The following PUM1 variants were observed in gnomAD, a reference collection of about 807,000 sequenced individuals.
The protein encoded by PUM1 is pumilio homolog 1.
In PUM1, 13 loss-of-function variants were observed where a neutral mutation model predicts 131.8. The ratio of observed to expected loss-of-function variants is 0.10; its 90% CI spans 0.06 to 0.16. PUM1 has a LOEUF of 0.16. PUM1 is among the 10% of genes least tolerant of loss of function. The pLI is 1.00. For missense variants in PUM1, 961 were observed against 1,512.4 expected (o/e 0.64, Z 6.05); for synonymous variants, 509 against 556.5 (o/e 0.91, Z 1.20).
At chr1:30,968,310 C>A (rs1434287145) in intron 11 of PUM1, 44 bp downstream of exon 11, 2 of 1,589,278 alleles carry the variant, frequency 1.3e-6, no homozygotes, top group Middle Eastern at 1.7e-4. Flanking sequence ...AAACGTGCAG[C>A]CTTTTTCCCT....
At chr1:30,935,607 C>T in intron 21 of PUM1, 1 of 458,494 alleles carries the variant, frequency 2.2e-6, no homozygotes, top group Admixed American at 2.3e-5. Flanking sequence ...CTGGGACTCC[C>T]CCAGCCTTCA....
intron 2 of PUM1, among the ~76,000 whole-genome samples, chr1:31,051,477 A>G (rs748189599): frequency 2.1e-4 from 32 of 151,940 alleles, no homozygotes; most frequent in Non-Finnish European, 7.4e-5. Context: ...CTAATTTTGT[A>G]TTTTTTGTAG....
At chr1:31,059,664 T>C in intron 1 of PUM1, 87 bp from the exon 2 acceptor site, 1 of 1,447,688 alleles carries the variant, frequency 6.9e-7, no homozygotes, top group Non-Finnish European at 9.3e-7. Context: ...CCCCATGTCT[T>C]TTACAATAAA....
At chr1:30,979,896 T>C (rs1470640225) in intron 9 of PUM1, among the ~76,000 whole-genome samples, 166 bp downstream of exon 9, 1 of 152,218 alleles carries the variant, frequency 6.6e-6, no homozygotes, top group Non-Finnish European at 1.5e-5. Flanking sequence ...CTGAGGGGCC[T>C]ATGATACAGC....
intron 7 of PUM1, among the ~76,000 whole-genome samples, chr1:30,989,964 C>T (rs1641723438): frequency 6.6e-6 from 1 of 152,174 alleles, no homozygotes; most frequent in Non-Finnish European, 1.5e-5. Context: ...CAGATGACAA[C>T]AGAGTGAGCC....
chr1:30,996,264 G>A lies in PUM1; in HGVS notation c.721-1044C>T, dbSNP rs552280274. Among the ~76,000 whole-genome samples the A allele has an allele frequency of 6.0e-4, 91 of 152,342 alleles. 3 individuals are homozygous for A. In the South Asian group the frequency reaches 0.016, roughly 27 times the overall value. On this transcript the variant is annotated intron_variant, in intron 5 of 21. Coordinates refer to ENST00000426105, the MANE Select transcript of PUM1 (RefSeq NM_001020658.2). ...AGAAATGCACATGGACCAAGTTCAA[G>A]TTCCTGGTACAAGGCAAGATCCACT...
intron 2 of PUM1, among the ~76,000 whole-genome samples, chr1:31,039,033 G>C (rs1183269149): frequency 9.4e-6 from 1 of 106,174 alleles, no homozygotes; most frequent in Non-Finnish European, 1.8e-5. Flanking sequence ...GCCTCATTCT[G>C]TCACCCAGGC....
In PUM1 at chr1:30,964,638, T is replaced by TA. The variant is rs1306600580; in HGVS notation, c.2323+35dup. ...AATGTCATCGGTGGCAAGAGAGTTC[T>TA]AGAGTTCAAGGTGGTGTTAGAGTAA... On this transcript the variant is annotated intron_variant, in intron 14 of 21. Transcript: ENST00000426105. The TA allele has an allele frequency of 5.2e-6, 8 of 1,539,782 alleles. No individual in the cohort carries two copies. The African/African-American group carries it at 1.1e-4, about 21-fold the overall frequency.
chr1:31,033,016 G>C (rs1231802015), intron 2 of PUM1, among the ~76,000 whole-genome samples: 1 of 150,064 alleles, frequency 6.7e-6, no homozygotes, highest in African/African-American at 2.5e-5. Context: ...CGAGGCAGGA[G>C]AATCGCTTGA....
Position 30,987,428 on chromosome 1 carries a change from C to A in PUM1, c.1158+4962G>T, listed in dbSNP as rs532474719. ...GCCAGGCTGCTCTCGAACTCCTGAC[C>A]TCATGATCTGCCCGCCTCGGCCTCC... On this transcript the variant is annotated intron_variant, in intron 7 of 21. Coordinates refer to ENST00000426105, the MANE Select transcript of PUM1 (RefSeq NM_001020658.2). 2.0e-5 allele frequency among the ~76,000 whole-genome samples: 3 copies of A among 152,252 alleles called. No homozygotes were observed. The South Asian group carries it at 6.2e-4, about 32-fold the overall frequency.
At chr1:30,990,958 G>C (rs1275864612) in intron 7 of PUM1, among the ~76,000 whole-genome samples, 1 of 151,982 alleles carries the variant, frequency 6.6e-6, no homozygotes, top group African/African-American at 2.4e-5. Flanking sequence ...GTACATTTCT[G>C]TTCAAGTTCT....
At chr1:31,058,769 G>A (rs766128599) in intron 2 of PUM1, among the ~76,000 whole-genome samples, 14 of 151,954 alleles carry the variant, frequency 9.2e-5, no homozygotes, top group Middle Eastern at 3.4e-3. Context: ...TCAGGAGTTC[G>A]AGGCCAGCCT....
At chr1:30,981,103 C>T (rs1641338664) in intron 8 of PUM1, among the ~76,000 whole-genome samples, 1 of 152,182 alleles carries the variant, frequency 6.6e-6, no homozygotes, top group Admixed American at 6.5e-5. Flanking sequence ...TGGCTGAACA[C>T]TGAAGAAATG....
chr1:31,038,533 A>G (rs1643692330), intron 2 of PUM1, among the ~76,000 whole-genome samples: 1 of 152,154 alleles, frequency 6.6e-6, no homozygotes, highest in Non-Finnish European at 1.5e-5. Context: ...TAATCCCTTG[A>G]GCGTCTAGCA....
In PUM1 at chr1:30,981,367, C is replaced by A; in HGVS notation, c.1197G>T (p.Leu399Phe). The change falls in exon 8 of 22, where the codon TTG (leucine) becomes TTT (phenylalanine). Residue 399 changes from leucine to phenylalanine, a missense_variant. Leu to Phe is a conservative substitution (Grantham distance 22, BLOSUM62 0). Around this residue, in one of 4 missense-constraint regions of PUM1, gnomAD observed 654 missense variants for 923.9 expected, o/e 0.71. Coordinates refer to ENST00000426105, the MANE Select transcript of PUM1 (RefSeq NM_001020658.2). Reference sequence around the variant, plus strand: ...CATACTGCTGCTGCTGAGCAGCTGTCAACTGCTGGACAGCAAGCGCATTAG... The same window carrying A: ...CATACTGCTGCTGCTGAGCAGCTGTAAACTGCTGGACAGCAAGCGCATTAG... ...QRPNALAVQQ[L>F]TAAQQQQYAL... is the part of the protein sequence containing the mutation. 6.2e-7 allele frequency: 1 copy of A among 1,605,166 alleles called. No individual in the cohort carries two copies. Among genetic ancestry groups the A allele is most frequent in the Non-Finnish European group, 8.5e-7 (1 of 1,175,094 alleles).
At chr1:30,979,850 C>T (rs772577697) in intron 9 of PUM1, among the ~76,000 whole-genome samples, 3 of 151,978 alleles carry the variant, frequency 2.0e-5, no homozygotes, top group Non-Finnish European at 4.4e-5. Flanking sequence ...ATATGCAAGG[C>T]GTATGTGATT....
chr1:31,049,473 G>A (rs937612731), intron 2 of PUM1, among the ~76,000 whole-genome samples: 6 of 151,018 alleles, frequency 4.0e-5, no homozygotes, highest in African/African-American at 1.2e-4. Context: ...CCAAGATCGC[G>A]CCATTGCACT....
intron 3 of PUM1, among the ~76,000 whole-genome samples, chr1:31,013,038 C>T (rs1310587328): frequency 6.6e-6 from 1 of 152,150 alleles, no homozygotes; most frequent in East Asian, 1.9e-4. Flanking sequence ...CAGCTACTAT[C>T]CTTCTTTAAA....
intron 5 of PUM1, among the ~76,000 whole-genome samples, chr1:30,996,794 G>T (rs914182717): frequency 3.9e-5 from 6 of 152,166 alleles, no homozygotes; most frequent in Non-Finnish European, 8.8e-5. Flanking sequence ...AAGGCAAAAA[G>T]ATCTTTCAAA....
Sources: allele counts gnomAD v4.1 joint callset (sites outside exome capture counted in the v4.1 genomes callset), GRCh38; gene constraint gnomAD v4.1.1; regional missense constraint gnomAD v4.1.1; transcripts MANE v1.5; gene names NCBI Gene and HGNC (gene_info 2026-07-23, HGNC 2026-07-21).